Variants in RAB21 observed in about 807,000 individuals in gnomAD.
The protein encoded by RAB21 is RAB21, member RAS oncogene family.
Under a neutral mutation model 33.1 loss-of-function variants are expected in RAB21, and 13 were observed. That is an observed-to-expected ratio of 0.39 (90% CI 0.26 to 0.62). The LOEUF (loss-of-function observed/expected upper bound fraction) is 0.62. Ranked by LOEUF, RAB21 falls within the 20% of genes least tolerant of loss-of-function variation. RAB21 has a pLI of 0.48. For synonymous variants in RAB21, 91 were observed against 103.7 expected (o/e 0.88, Z 0.74); for missense variants, 234 against 279.1 (o/e 0.84, Z 1.15).
chr12:71,761,137 A>G (rs1882867052), intron 1 of RAB21, among the ~76,000 whole-genome samples: 1 of 151,146 alleles, frequency 6.6e-6, no homozygotes, highest in Non-Finnish European at 1.5e-5. Context: ...AGCCTAAGAG[A>G]TTGAGGCTGC....
In RAB21 at chr12:71,762,551, C is replaced by T. The variant is rs550982740; in HGVS notation, c.160-7249C>T. 9.9e-5 allele frequency among the ~76,000 whole-genome samples: 15 copies of T among 152,050 alleles called. No homozygotes were observed. The East Asian group carries it at 1.6e-3, about 16-fold the overall frequency. Reference sequence around the variant, plus strand: ...CGATCTCCTGACCTCGTGATCCGCCCGCCTCGGCCTCCCAAAGTGCTGGGA... The same window carrying T: ...CGATCTCCTGACCTCGTGATCCGCCTGCCTCGGCCTCCCAAAGTGCTGGGA... On this transcript the variant is annotated intron_variant, in intron 1 of 6. Coordinates refer to ENST00000261263, the MANE Select transcript of RAB21 (RefSeq NM_014999.4).
chr12:71,785,494 T>C, intron 6 of RAB21, 37 bp from the exon 7 acceptor site: 2 of 1,605,856 alleles, frequency 1.2e-6, no homozygotes, highest in Non-Finnish European at 8.5e-7. Context: ...ACACAAATAT[T>C]GTGGTCCTAA....
chr12:71,763,954 A>T (rs999293), intron 1 of RAB21, among the ~76,000 whole-genome samples: 1,642 of 152,100 alleles, frequency 0.011, 33 homozygotes, highest in African/African-American at 0.034. Flanking sequence ...TGTATTTTTT[A>T]AAAAAAATCA....
At chr12:71,783,463 C>G (rs979031240) in intron 6 of RAB21, among the ~76,000 whole-genome samples, 4 of 147,990 alleles carry the variant, frequency 2.7e-5, no homozygotes, top group Admixed American at 2.7e-4. Flanking sequence ...TGTGTGTGTA[C>G]ACACACACAC....
chr12:71,762,860 C>T (rs1257328723), intron 1 of RAB21, among the ~76,000 whole-genome samples: 4 of 152,180 alleles, frequency 2.6e-5, no homozygotes, highest in East Asian at 1.9e-4. Context: ...GGATTACAGG[C>T]GTGAGCCACC....
intron 4 of RAB21, among the ~76,000 whole-genome samples, chr12:71,780,931 A>G (rs907730866): frequency 8.6e-5 from 13 of 152,040 alleles, no homozygotes; most frequent in African/African-American, 2.9e-4. Context: ...TCCATAGGGT[A>G]TTTTTCCTTA....
intron 1 of RAB21, among the ~76,000 whole-genome samples, chr12:71,756,184 T>A (rs920667135): frequency 1.3e-5 from 2 of 152,216 alleles, no homozygotes; most frequent in Admixed American, 6.5e-5. Flanking sequence ...TGAGCCTGAT[T>A]GTCCAGGTTC....
At chr12:71,781,982 T>C (rs540641843) in intron 4 of RAB21, 49 bp from the exon 5 acceptor site, 1 of 1,405,724 alleles carries the variant, frequency 7.1e-7, no homozygotes, top group Non-Finnish European at 9.8e-7. Flanking sequence ...TTAATTTTGT[T>C]ATGAAAATAA....
chr12:71,757,030 C>A (rs754662557), intron 1 of RAB21, among the ~76,000 whole-genome samples: 1 of 152,122 alleles, frequency 6.6e-6, no homozygotes, highest in Admixed American at 6.5e-5. Context: ...CACATTACCT[C>A]GGTATATTGA....
intron 3 of RAB21, among the ~76,000 whole-genome samples, chr12:71,771,602 A>G (rs1883042949): frequency 6.6e-6 from 1 of 152,228 alleles, no homozygotes; most frequent in Admixed American, 6.5e-5. Flanking sequence ...AATGATTTTT[A>G]AAAGTTATTT....
chr12:71,759,959 A>G (rs1254611304), intron 1 of RAB21, among the ~76,000 whole-genome samples: 2 of 152,238 alleles, frequency 1.3e-5, no homozygotes, highest in Non-Finnish European at 2.9e-5. Flanking sequence ...TATTACATAG[A>G]CAGCCGTCAT....
At chr12:71,769,592 A>G (rs899632241) in intron 1 of RAB21, among the ~76,000 whole-genome samples, 2 of 152,116 alleles carry the variant, frequency 1.3e-5, no homozygotes, top group Non-Finnish European at 2.9e-5. Context: ...TGTATAACCT[A>G]TTTTCAGAAA....
rs1883365192 is a variant in RAB21, at chr12:71,790,512, G to T, written c.*4839G>T. On this transcript the variant is annotated 3_prime_UTR_variant, in exon 7 of 7. Transcript: ENST00000261263. ...TATTTTAAGGAAATCATTGTATGTG[G>T]TACTTCCTAGAAATATGAAAGTTCC... 1 of 152,064 alleles carries T rather than the reference G, an allele frequency of 6.6e-6. No homozygotes were observed. The highest frequency in any genetic ancestry group is 6.6e-5 in the Admixed American group (1 of 15,252). The allele number at this position is 152,064 out of a possible 1,614,324, so 9.4% of individuals were successfully genotyped here.
Position 71,794,651 on chromosome 12 carries a change from G to T in RAB21, c.*8978G>T, listed in dbSNP as rs1348157882. 4 of 145,306 alleles carry T rather than the reference G, an allele frequency of 2.8e-5. No individual in the cohort carries two copies. Among genetic ancestry groups the T allele is most frequent in the Non-Finnish European group, 4.5e-5 (3 of 66,174 alleles). The allele number at this position is 145,306 out of a possible 1,614,324, so 9.0% of individuals were successfully genotyped here. ...GATGGGGTTTCACCGTGTTAGCCAGGATGGTCTCTATCTCCTGACCTTGTT... is the reference window on the plus strand; with the variant it reads ...GATGGGGTTTCACCGTGTTAGCCAGTATGGTCTCTATCTCCTGACCTTGTT... On this transcript the variant is annotated 3_prime_UTR_variant, in exon 7 of 7. Transcript: ENST00000261263.
Position 71,791,142 on chromosome 12 carries a change from C to T in RAB21, c.*5469C>T, listed in dbSNP as rs1565899399. Reference sequence around the variant, plus strand: ...GGACTACATGTGTAAGCCACCATGCCTGGCTAATTTTTGTATTTTTCATTT... The same window carrying T: ...GGACTACATGTGTAAGCCACCATGCTTGGCTAATTTTTGTATTTTTCATTT... On this transcript the variant is annotated 3_prime_UTR_variant, in exon 7 of 7. Coordinates refer to ENST00000261263, the MANE Select transcript of RAB21 (RefSeq NM_014999.4). The T allele has an allele frequency of 6.6e-6, 1 of 152,510 alleles. No homozygotes were observed. The highest frequency in any genetic ancestry group is 1.5e-5 in the Non-Finnish European group (1 of 68,402). 9.4% of individuals were successfully genotyped at this position (152,510 alleles called of 1,614,324 possible).
intron 6 of RAB21, among the ~76,000 whole-genome samples, chr12:71,783,677 T>A (rs979312262): frequency 2.6e-5 from 4 of 152,200 alleles, no homozygotes; most frequent in Non-Finnish European, 5.9e-5. Flanking sequence ...AACAAACGCT[T>A]CATATGATTC....
chr12:71,755,282 T>G lies in RAB21; in HGVS notation c.153T>G (p.Thr51=). The G allele has an allele frequency of 6.6e-7, 1 of 1,524,006 alleles. No homozygotes were observed. Among genetic ancestry groups the G allele is most frequent in the Non-Finnish European group, 8.8e-7 (1 of 1,139,862 alleles). The allele number at this position is 1,524,006 out of a possible 1,614,324, so 94.4% of individuals were successfully genotyped here. Residue 51 remains threonine, a synonymous_variant, in exon 1 of 7, where the codon ACT becomes ACG. Transcript: ENST00000261263. ...AGTTTAACGACAAGCACATCACCAC[T>G]CTGCAGGTGCGGACCTCGGGGAGCG... The part of the protein sequence containing the change: ...ENKFNDKHIT[T]LQASFLTKKL...
chr12:71,782,048 GA>G lies in RAB21; in HGVS notation c.413del (p.Lys138ArgfsTer43). 6.2e-7 allele frequency: 1 copy of G among 1,605,582 alleles called. No homozygotes were observed. The highest frequency in any genetic ancestry group is 8.5e-7 in the Non-Finnish European group (1 of 1,172,826). ...LCIVGNKIDL[E>X]KERHVSIQEA... ...CAAAATAGGTAATAAAATAGACTTGGAAAAGGAGAGACATGTTTCCATTCAA... is the reference window on the plus strand; with the variant it reads ...CAAAATAGGTAATAAAATAGACTTGGAAAGGAGAGACATGTTTCCATTCAA... On this transcript the variant is annotated frameshift_variant, in exon 5 of 7. Coordinates refer to ENST00000261263, the MANE Select transcript of RAB21 (RefSeq NM_014999.4). LOFTEE classifies it high-confidence loss of function.
chr12:71,798,499 T>C lies in RAB21; in HGVS notation c.*12826T>C, dbSNP rs572086298. ...GAAAAAATATTTTCAAATCATATCA[T>C]GCATTGCTTAATTTATAAAGAACAC... is the stretch of plus-strand genomic sequence containing the variant. On this transcript the variant is annotated 3_prime_UTR_variant, in exon 7 of 7. Transcript: ENST00000261263. 6.6e-6 allele frequency: 1 copy of C among 152,172 alleles called. No homozygotes were observed. The highest frequency in any genetic ancestry group is 2.4e-5 in the African/African-American group (1 of 41,422). 9.4% of individuals were successfully genotyped at this position (152,172 alleles called of 1,614,324 possible).
Sources: allele counts gnomAD v4.1 joint callset (sites outside exome capture counted in the v4.1 genomes callset), GRCh38; gene constraint gnomAD v4.1.1; transcripts MANE v1.5; gene names NCBI Gene and HGNC (gene_info 2026-07-23, HGNC 2026-07-21).